AKR1C8: variants seen among roughly 807,000 people sequenced by gnomAD.
AKR1C8 encodes aldo-keto reductase family 1 member C-like protein 1.
At chr10:5,123,434 T>C in the AKR1C8 span, 1 of 424,566 alleles carries the variant, frequency 2.4e-6, no homozygotes, top group South Asian at 4.2e-5. Context: ...TGAGTTCTGG[T>C]CCACCCTGGA....
At chr10:5,138,752 C>T in the AKR1C8 span, among the ~76,000 whole-genome samples, 1 of 151,886 alleles carries the variant, frequency 6.6e-6, no homozygotes, top group African/African-American at 2.4e-5. Flanking sequence ...TGACTTCCCA[C>T]AATAGCACAA....
the AKR1C8 span, among the ~76,000 whole-genome samples, chr10:5,144,127 G>A: frequency 6.6e-6 from 1 of 152,100 alleles, no homozygotes; most frequent in Admixed American, 6.6e-5. Flanking sequence ...TTATTAAATA[G>A]GGAATCCTTT....
chr10:5,155,195 G>A, the AKR1C8 span: 1 of 152,112 alleles, frequency 6.6e-6, no homozygotes, highest in African/African-American at 2.4e-5. Flanking sequence ...GCCTTCATGG[G>A]CCCATCCTGT....
chr10:5,184,560 C>T, the AKR1C8 span, among the ~76,000 whole-genome samples: 1 of 152,086 alleles, frequency 6.6e-6, no homozygotes, highest in Non-Finnish European at 1.5e-5. Context: ...GGGTCCTTGG[C>T]CCTTCACATT....
the AKR1C8 span, among the ~76,000 whole-genome samples, chr10:5,138,125 C>T: frequency 6.6e-6 from 1 of 151,598 alleles, no homozygotes; most frequent in Non-Finnish European, 1.5e-5. Flanking sequence ...AAACAGGGTT[C>T]GAAAGCAGAG....
the AKR1C8 span, among the ~76,000 whole-genome samples, chr10:5,177,097 T>C: frequency 3.3e-5 from 5 of 152,180 alleles, no homozygotes; most frequent in Admixed American, 3.3e-4. Context: ...CCATTCAGTA[T>C]GATATTAGCT....
the AKR1C8 span, among the ~76,000 whole-genome samples, chr10:5,120,840 T>G: frequency 2.2e-4 from 34 of 152,178 alleles, no homozygotes. Flanking sequence ...TTTTATTTTA[T>G]TTTAGTTTTT....
chr10:5,175,448 G>A, the AKR1C8 span, among the ~76,000 whole-genome samples: 1 of 152,142 alleles, frequency 6.6e-6, no homozygotes, highest in Non-Finnish European at 1.5e-5. Context: ...GTGTGCATGT[G>A]TCTTTATAGC....
At chr10:5,156,990 G>T in the AKR1C8 span, among the ~76,000 whole-genome samples, 1 of 152,162 alleles carries the variant, frequency 6.6e-6, no homozygotes, top group Non-Finnish European at 1.5e-5. Context: ...GTGGAGAAGG[G>T]TTTACAAGAT....
chr10:5,137,949 C>T, the AKR1C8 span, among the ~76,000 whole-genome samples: 1 of 151,962 alleles, frequency 6.6e-6, no homozygotes. Context: ...TAATAAGGGT[C>T]TAAGAAAGAT....
chr10:5,129,130 C>G, the AKR1C8 span, among the ~76,000 whole-genome samples: 7 of 151,990 alleles, frequency 4.6e-5, no homozygotes, highest in African/African-American at 1.7e-4. Context: ...GAAAGGGACC[C>G]TCAAAACTAT....
At chr10:5,136,431 C>A in the AKR1C8 span, among the ~76,000 whole-genome samples, 2 of 133,030 alleles carry the variant, frequency 1.5e-5, no homozygotes, top group Non-Finnish European at 3.1e-5. Flanking sequence ...GCCTATAATT[C>A]CAGCTACTCA....
At chr10:5,163,256 A>T in the AKR1C8 span, among the ~76,000 whole-genome samples, 1 of 152,224 alleles carries the variant, frequency 6.6e-6, no homozygotes, top group Admixed American at 6.5e-5. Flanking sequence ...ATCATGTCTC[A>T]TTCCATATCA....
the AKR1C8 span, chr10:5,184,943 C>T: frequency 7.8e-6 from 4 of 514,170 alleles, no homozygotes; most frequent in East Asian, 5.7e-5. Context: ...AAGTGCAGGG[C>T]TCTTGCCTGA....
the AKR1C8 span, among the ~76,000 whole-genome samples, chr10:5,144,851 C>A: frequency 2.0e-5 from 3 of 152,168 alleles, no homozygotes; most frequent in Non-Finnish European, 2.9e-5. Context: ...TCTTAATTGA[C>A]TACGCTTTAT....
the AKR1C8 span, among the ~76,000 whole-genome samples, chr10:5,118,982 A>T: frequency 6.6e-6 from 1 of 151,966 alleles, no homozygotes; most frequent in Non-Finnish European, 1.5e-5. Context: ...AGTGCCCCCT[A>T]CTTATCAAAT....
chr10:5,123,891 TTAAAG>T, the AKR1C8 span: 1 of 1,462,340 alleles, frequency 6.8e-7, no homozygotes, highest in African/African-American at 1.4e-5. Flanking sequence ...AGATTACAGA[TTAAAG>T]TAAAAGGAGG....
At chr10:5,178,671 G>A in the AKR1C8 span, among the ~76,000 whole-genome samples, 5 of 152,220 alleles carry the variant, frequency 3.3e-5, no homozygotes, top group Non-Finnish European at 7.4e-5. Flanking sequence ...CTCCTGTATT[G>A]GATGCATATA....
the AKR1C8 span, chr10:5,155,521 G>A: frequency 1.3e-5 from 4 of 297,090 alleles, no homozygotes; most frequent in African/African-American, 6.7e-5. Context: ...ATTGAGTCCT[G>A]GAGGAAACCT....
Sources: gnomAD v4.1 joint callset for allele counts (sites outside exome capture counted in the v4.1 genomes callset) on GRCh38, gnomAD v4.1.1 for gene constraint, MANE v1.5 for transcripts, NCBI Gene and HGNC (gene_info 2026-07-23, HGNC 2026-07-21) for gene names.